Variants in MYO5A observed in about 807,000 individuals in gnomAD.
The protein encoded by MYO5A is unconventional myosin-Va.
In MYO5A, 98 loss-of-function variants were observed where a neutral mutation model predicts 249.7. The ratio of observed to expected loss-of-function variants is 0.39; its 90% CI spans 0.33 to 0.46. The LOEUF is 0.46. Among genes scored for constraint, MYO5A ranks in the 20% least tolerant of loss-of-function variants. MYO5A has a pLI of 0.98. For synonymous variants in MYO5A, 778 were observed against 810.6 expected, an observed-to-expected ratio of 0.96 and a Z score of 0.68; for missense variants, 1,696 against 2,308.8, an observed-to-expected ratio of 0.73 and a Z score of 5.44.
rs1303439815 is a variant in MYO5A, at chr15:52,372,107, C to T, written c.2817+17G>A. On this transcript the variant is annotated intron_variant, in intron 21 of 41. Transcript: ENST00000399233. ...TTCAGGCATACTCCACTCTCAGGGCCCCTTTGTGAAACACACCTGCTCATC... is the reference window on the plus strand; with the variant it reads ...TTCAGGCATACTCCACTCTCAGGGCTCCTTTGTGAAACACACCTGCTCATC... 6.2e-7 allele frequency: 1 copy of T among 1,613,122 alleles called. No homozygotes were observed. Among genetic ancestry groups the T allele is most frequent in the Non-Finnish European group, 8.5e-7 (1 of 1,180,006 alleles).
chr15:52,494,792 C>T (rs1023071447), intron 1 of MYO5A, among the ~76,000 whole-genome samples: 1 of 152,150 alleles, frequency 6.6e-6, no homozygotes, highest in African/African-American at 2.4e-5. Context: ...TGTGCCTGGC[C>T]TTTCTTGTTA....
At chr15:52,376,221 A>G in intron 19 of MYO5A, 126 bp downstream of exon 19, 2 of 844,598 alleles carry the variant, frequency 2.4e-6, no homozygotes, top group Non-Finnish European at 1.9e-6. Flanking sequence ...CTATGAGTTA[A>G]TTTGTTGTCC....
intron 37 of MYO5A, 140 bp downstream of exon 37, chr15:52,323,215 C>T (rs2038417703): frequency 2.9e-6 from 2 of 691,730 alleles, no homozygotes; most frequent in Admixed American, 2.1e-5. Flanking sequence ...TAGTGAACAT[C>T]AAACAAAGCA....
rs188356033 is a variant in MYO5A, at chr15:52,333,831, G to A, written c.4408+2632C>T. 1.3e-3 allele frequency among the ~76,000 whole-genome samples: 194 copies of A among 152,266 alleles called. No homozygotes were observed. In the Middle Eastern group the frequency reaches 0.02, roughly 16 times the overall value. On this transcript the variant is annotated intron_variant, in intron 34 of 41. Coordinates refer to ENST00000399233, the MANE Select transcript of MYO5A (RefSeq NM_001382347.1). ...CATTTAAAGAAAAGTATAAGACAACGTTTAGTTATTAGAAGGTGCCTGTAT... is the reference window on the plus strand; with the variant it reads ...CATTTAAAGAAAAGTATAAGACAACATTTAGTTATTAGAAGGTGCCTGTAT...
chr15:52,528,856 G>A lies in MYO5A; in HGVS notation c.-50C>T. Reference sequence around the variant, plus strand: ...CCCGCCTGTGCGGAGGCCGCACCTCGCCTGGGCGGCCGCCCGAGCGGACTA... The same window carrying A: ...CCCGCCTGTGCGGAGGCCGCACCTCACCTGGGCGGCCGCCCGAGCGGACTA... On this transcript the variant is annotated 5_prime_UTR_variant, in exon 1 of 42. Coordinates refer to ENST00000399233, the MANE Select transcript of MYO5A (RefSeq NM_001382347.1). 8.4e-6 allele frequency: 12 copies of A among 1,429,294 alleles called. No homozygotes were observed. Among genetic ancestry groups the A allele is most frequent in the Non-Finnish European group, 1.1e-5 (12 of 1,094,586 alleles). The allele number at this position is 1,429,294 out of a possible 1,614,324, so 88.5% of individuals were successfully genotyped here.
intron 6 of MYO5A, among the ~76,000 whole-genome samples, chr15:52,408,892 G>A (rs2043127897): frequency 6.6e-6 from 1 of 152,084 alleles, no homozygotes; most frequent in Admixed American, 6.6e-5. Flanking sequence ...CCTATTATAG[G>A]GACAGAAGCC....
At chr15:52,515,495 A>G (rs1566874560) in intron 1 of MYO5A, among the ~76,000 whole-genome samples, 1 of 152,194 alleles carries the variant, frequency 6.6e-6, no homozygotes. Flanking sequence ...AGTAGCTAAC[A>G]TTTCTTAAAT....
intron 1 of MYO5A, chr15:52,505,694 T>G (rs186826539): frequency 7.8e-6 from 10 of 1,277,200 alleles, no homozygotes. Flanking sequence ...GCAGACGTCT[T>G]AGTCTGGGAC....
intron 40 of MYO5A, among the ~76,000 whole-genome samples, chr15:52,315,398 CTT>C (rs67694030): frequency 1.4e-5 from 2 of 146,144 alleles, no homozygotes; most frequent in African/African-American, 2.5e-5. Flanking sequence ...TACTGATTGA[CTT>C]TTTTTTTTTT....
intron 39 of MYO5A, 77 bp from the exon 40 acceptor site, chr15:52,317,299 C>G (rs2038070100): frequency 1.4e-6 from 2 of 1,405,946 alleles, no homozygotes; most frequent in South Asian, 2.4e-5. Context: ...TTGTGTGCGG[C>G]CTTGTCAGGA....
rs2038889166 is a variant in MYO5A at position 52,331,595 on chromosome 15, C to T, written c.4409-1096G>A. On this transcript the variant is annotated intron_variant, in intron 34 of 41. Coordinates refer to ENST00000399233, the MANE Select transcript of MYO5A (RefSeq NM_001382347.1). Reference sequence around the variant, plus strand: ...TTAGAAAGCTTAATATTGCTGACTCCACGAGGTGTCAGTAGTGCTTCTTGT... The same window carrying T: ...TTAGAAAGCTTAATATTGCTGACTCTACGAGGTGTCAGTAGTGCTTCTTGT... 4 of 834,480 alleles carry T rather than the reference C, an allele frequency of 4.8e-6. No individual in the cohort carries two copies. The Admixed American group carries it at 2.5e-4, about 52-fold the overall frequency. 51.7% of individuals were successfully genotyped at this position (834,480 alleles called of 1,614,324 possible).
At chr15:52,409,973 T>C (rs1567099417) in intron 6 of MYO5A, among the ~76,000 whole-genome samples, 1 of 152,194 alleles carries the variant, frequency 6.6e-6, no homozygotes, top group Non-Finnish European at 1.5e-5. Context: ...TAATTTTTTT[T>C]CTTGCACTGA....
At chr15:52,365,405 A>C (rs1351999388) in intron 23 of MYO5A, among the ~76,000 whole-genome samples, 1 of 152,170 alleles carries the variant, frequency 6.6e-6, no homozygotes, top group Admixed American at 6.5e-5. Flanking sequence ...CATGATCTGG[A>C]GATTGGAGAT....
intron 35 of MYO5A, 30 bp from the exon 36 acceptor site, chr15:52,328,036 A>G (rs1214054462): frequency 6.4e-7 from 1 of 1,574,200 alleles, no homozygotes. Flanking sequence ...AATTTTATAT[A>G]ACATGGAAAA....
chr15:52,395,383 T>C (rs1415933540), intron 11 of MYO5A, among the ~76,000 whole-genome samples: 4 of 152,212 alleles, frequency 2.6e-5, no homozygotes, highest in Admixed American at 2.6e-4. Flanking sequence ...TTTGTGTGCA[T>C]CAACTACAAA....
intron 1 of MYO5A, among the ~76,000 whole-genome samples, chr15:52,439,914 C>T (rs1205822169): frequency 3.9e-5 from 6 of 152,052 alleles, no homozygotes; most frequent in Admixed American, 6.5e-5. Flanking sequence ...AACCACTTGA[C>T]AAAAAATCAG....
intron 23 of MYO5A, among the ~76,000 whole-genome samples, chr15:52,366,002 T>C (rs1267754522): frequency 2.0e-5 from 3 of 152,214 alleles, no homozygotes; most frequent in African/African-American, 4.8e-5. Context: ...CATCCCTTAG[T>C]ATGGTCATTA....
At chr15:52,426,189 G>A (rs1182908947) in intron 3 of MYO5A, among the ~76,000 whole-genome samples, 1 of 152,016 alleles carries the variant, frequency 6.6e-6, no homozygotes, top group Non-Finnish European at 1.5e-5. Context: ...TTTAAAAACT[G>A]GACTAGGTGG....
intron 1 of MYO5A, among the ~76,000 whole-genome samples, chr15:52,506,823 A>T (rs965843600): frequency 6.6e-6 from 1 of 152,242 alleles, no homozygotes; most frequent in African/African-American, 2.4e-5. Context: ...CTATAGAATG[A>T]AACGCTGTCT....
Sources: allele counts gnomAD v4.1 joint callset (sites outside exome capture counted in the v4.1 genomes callset), GRCh38; gene constraint gnomAD v4.1.1; transcripts MANE v1.5; gene names NCBI Gene and HGNC (gene_info 2026-07-23, HGNC 2026-07-21).